FARSB: variants seen among roughly 807,000 people sequenced by gnomAD.
The protein encoded by FARSB is phenylalanine--tRNA ligase beta subunit.
Under a neutral mutation model 69.6 loss-of-function variants are expected in FARSB, and 40 were observed. The ratio of observed to expected loss-of-function variants is 0.57; its 90% confidence interval spans 0.45 to 0.75. FARSB has a LOEUF of 0.75. Ranked by LOEUF, FARSB falls within the 30% of genes least tolerant of loss-of-function variation. The pLI, the probability that FARSB is intolerant of heterozygous loss-of-function variation, is 0.00. For missense variants in FARSB, 632 were observed against 722.9 expected (o/e 0.87, Z 1.44); for synonymous variants, 235 against 247.2 (o/e 0.95, Z 0.46).
At position 222,627,044 on chromosome 2, in the gene FARSB, AAAAAG is replaced by A. The variant is rs533321586; in HGVS notation, c.900+1788_900+1792del. Among the ~76,000 whole-genome samples, 573 of 152,304 alleles carry A rather than the reference AAAAAG, an allele frequency of 3.8e-3. 5 individuals carry two copies. The highest frequency in any genetic ancestry group is 0.013 in the African/African-American group (538 of 41,556). ...GAGGGAGACTCCATCTCAAAAAAGA[AAAAAG>A]AAGAAGAAGAAAAAGAAACTTTTCT... On this transcript the variant is annotated intron_variant, in intron 10 of 16. Coordinates refer to ENST00000281828, the MANE Select transcript of FARSB (RefSeq NM_005687.5).
intron 16 of FARSB, among the ~76,000 whole-genome samples, chr2:222,599,473 CAT>C (rs953568636): frequency 3.3e-4 from 50 of 152,316 alleles, no homozygotes; most frequent in East Asian, 9.6e-4. Context: ...ACTTGATTAA[CAT>C]GTGTGAAATC....
intron 16 of FARSB, among the ~76,000 whole-genome samples, chr2:222,595,376 G>T (rs975232093): frequency 6.6e-6 from 1 of 152,134 alleles, no homozygotes; most frequent in Admixed American, 6.5e-5. Flanking sequence ...TTTAGCATCT[G>T]AAATCTTTCA....
intron 15 of FARSB, among the ~76,000 whole-genome samples, chr2:222,611,144 C>T (rs1690838800): frequency 6.6e-6 from 1 of 152,090 alleles, no homozygotes. Flanking sequence ...AGCACATTTA[C>T]CTCCCTTCAT....
At chr2:222,635,450 T>C (rs2106231455) in intron 5 of FARSB, among the ~76,000 whole-genome samples, 1 of 152,330 alleles carries the variant, frequency 6.6e-6, no homozygotes, top group South Asian at 2.1e-4. Flanking sequence ...TTAAAAAGAA[T>C]TGCTAACAGG....
chr2:222,644,403 T>A, intron 2 of FARSB: 29 of 318,058 alleles, frequency 9.1e-5, no homozygotes, highest in Middle Eastern at 4.0e-4. Flanking sequence ...GAGGAAGGAG[T>A]AAAAAGGGGG....
chr2:222,584,696 C>A (rs2106183477), intron 16 of FARSB, among the ~76,000 whole-genome samples: 1 of 152,304 alleles, frequency 6.6e-6, no homozygotes, highest in Non-Finnish European at 1.5e-5. Context: ...AGATTATATC[C>A]CATGCCTGGC....
At chr2:222,608,095 C>G (rs1052579010) in intron 15 of FARSB, among the ~76,000 whole-genome samples, 22 of 152,090 alleles carry the variant, frequency 1.4e-4, no homozygotes, top group Admixed American at 1.3e-4. Context: ...AGTTAAGATG[C>G]CATCATGTAT....
intron 1 of FARSB, among the ~76,000 whole-genome samples, chr2:222,652,200 T>A (rs1014543353): frequency 6.6e-6 from 1 of 152,248 alleles, no homozygotes; most frequent in Non-Finnish European, 1.5e-5. Context: ...CCACATCTGG[T>A]CCTGATTTAG....
At chr2:222,580,621 T>C (rs1689941964) in intron 16 of FARSB, among the ~76,000 whole-genome samples, 1 of 152,168 alleles carries the variant, frequency 6.6e-6, no homozygotes, top group Non-Finnish European at 1.5e-5. Context: ...ATAGATTATA[T>C]TGATCTCATC....
At chr2:222,651,839 A>C (rs1417146416) in intron 1 of FARSB, among the ~76,000 whole-genome samples, 2 of 152,236 alleles carry the variant, frequency 1.3e-5, no homozygotes, top group African/African-American at 4.8e-5. Context: ...AAGTAGACTG[A>C]GAAAACCAAC....
intron 8 of FARSB, among the ~76,000 whole-genome samples, chr2:222,631,314 G>A (rs568943187): frequency 4.0e-5 from 6 of 151,664 alleles, no homozygotes; most frequent in African/African-American, 9.7e-5. Context: ...TTATAGTTAC[G>A]TATATGACTA....
At chr2:222,635,317 G>T (rs532925041) in intron 5 of FARSB, among the ~76,000 whole-genome samples, 2 of 152,278 alleles carry the variant, frequency 1.3e-5, no homozygotes, top group Non-Finnish European at 2.9e-5. Context: ...GTCAAAATTT[G>T]TGTTCTTAAC....
Position 222,642,967 on chromosome 2 carries a change from A to G in FARSB, c.153T>C (p.Asn51=). 1 of 1,610,698 alleles carries G rather than the reference A, an allele frequency of 6.2e-7. No homozygotes were observed. Among genetic ancestry groups the G allele is most frequent in the Non-Finnish European group, 8.5e-7 (1 of 1,177,210 alleles). ...EKEIISKEQG[N]VKAAGASDVV... ...CATCAGAGGCTCCTGCTGCCTTTACATTACCTTGTTCTTTACTTATTATTT... is the reference window on the plus strand; with the variant it reads ...CATCAGAGGCTCCTGCTGCCTTTACGTTACCTTGTTCTTTACTTATTATTT... Residue 51 remains asparagine (N), a synonymous_variant, in exon 3 of 17, where the codon AAT becomes AAC. Coordinates refer to ENST00000281828, the MANE Select transcript of FARSB (RefSeq NM_005687.5).
chr2:222,642,799 A>C, intron 3 of FARSB, 52 bp downstream of exon 3: 1 of 1,381,846 alleles, frequency 7.2e-7, no homozygotes, highest in Non-Finnish European at 9.9e-7. Context: ...AATGACAAGG[A>C]AAGAAAAGAA....
At chr2:222,589,886 G>T (rs187758591) in intron 16 of FARSB, among the ~76,000 whole-genome samples, 2 of 152,292 alleles carry the variant, frequency 1.3e-5, no homozygotes, top group Non-Finnish European at 2.9e-5. Flanking sequence ...AGAGGATGTG[G>T]AGAAATAGGA....
intron 16 of FARSB, among the ~76,000 whole-genome samples, chr2:222,589,486 T>C (rs1451622363): frequency 2.0e-5 from 3 of 151,790 alleles, no homozygotes; most frequent in Admixed American, 2.0e-4. Context: ...CCAAAAGCAA[T>C]GGCAACAAAA....
At position 222,604,210 on chromosome 2, in the gene FARSB, T is replaced by A. The variant is rs193085827; in HGVS notation, c.1463-4127A>T. Among the ~76,000 whole-genome samples the A allele has an allele frequency of 3.4e-4, 50 of 147,590 alleles. No homozygotes were observed. The East Asian group carries it at 8.9e-3, about 26-fold the overall frequency. On this transcript the variant is annotated intron_variant, in intron 15 of 16. Coordinates refer to ENST00000281828, the MANE Select transcript of FARSB (RefSeq NM_005687.5). Reference sequence around the variant, plus strand: ...TCCAGCCTGAGCAACAGAGCGAGACTCCGTCTTAAAAAAAAAAAAAAAAAG... The same window carrying A: ...TCCAGCCTGAGCAACAGAGCGAGACACCGTCTTAAAAAAAAAAAAAAAAAG...
intron 15 of FARSB, among the ~76,000 whole-genome samples, chr2:222,607,611 C>T (rs1002049173): frequency 2.0e-5 from 3 of 148,282 alleles, no homozygotes; most frequent in African/African-American, 7.5e-5. Flanking sequence ...GGGCCGGCAA[C>T]TAATTCTAAG....
chr2:222,581,434 CA>C (rs1689967503), intron 16 of FARSB, among the ~76,000 whole-genome samples: 1 of 152,084 alleles, frequency 6.6e-6, no homozygotes, highest in Non-Finnish European at 1.5e-5. Context: ...CCCACTGCCC[CA>C]AAAGTCCATA....
Sources: gnomAD v4.1 joint callset for allele counts (sites outside exome capture counted in the v4.1 genomes callset) on GRCh38, gnomAD v4.1.1 for gene constraint, MANE v1.5 for transcripts, NCBI Gene and HGNC (gene_info 2026-07-23, HGNC 2026-07-21) for gene names.